The following SLC14A2 variants were observed in gnomAD, a reference collection of about 807,000 sequenced individuals.
SLC14A2 encodes solute carrier family 14 member 2.
SLC14A2 carries 91 observed loss-of-function variants against 104.6 expected under a neutral mutation model. The observed-to-expected ratio is 0.87, with a 90% confidence interval of 0.73 to 1.04. The LOEUF (loss-of-function observed/expected upper bound fraction) is 1.04. Among genes scored for constraint, SLC14A2 ranks in the 50% least tolerant of loss-of-function variants. SLC14A2 has a pLI of 0.00. For synonymous variants in SLC14A2, 476 were observed against 466.4 expected, an observed-to-expected ratio of 1.02 and a Z score of -0.27; for missense variants, 1,189 against 1,156.0, an observed-to-expected ratio of 1.03 and a Z score of -0.41.
chr18:45,204,825 A>C, the SLC14A2 span, among the ~76,000 whole-genome samples: 2 of 152,014 alleles, frequency 1.3e-5, no homozygotes, highest in East Asian at 1.9e-4. Context: ...AAAAAAAAAA[A>C]AACTTTCCCA....
intron 1 of SLC14A2, among the ~76,000 whole-genome samples, chr18:45,287,314 A>T (rs1199814623): frequency 6.6e-6 from 1 of 152,272 alleles, no homozygotes; most frequent in East Asian, 1.9e-4. Flanking sequence ...AAATTACTAC[A>T]ACTTGCAATA....
chr18:45,446,682 A>G (rs1490774306), intron 1 of SLC14A2, among the ~76,000 whole-genome samples: 1 of 152,228 alleles, frequency 6.6e-6, no homozygotes, highest in African/African-American at 2.4e-5. Flanking sequence ...TAAAGGACAC[A>G]ACTCATCTTC....
intron 1 of SLC14A2, among the ~76,000 whole-genome samples, chr18:45,619,311 G>A (rs539951104): frequency 6.6e-6 from 1 of 152,352 alleles, no homozygotes; most frequent in Non-Finnish European, 1.5e-5. Flanking sequence ...CTGCCCTTGT[G>A]CCTCCTGCTC....
chr18:45,637,628 A>G (rs1450297131), intron 6 of SLC14A2, among the ~76,000 whole-genome samples: 1 of 152,202 alleles, frequency 6.6e-6, no homozygotes, highest in Admixed American at 6.5e-5. Flanking sequence ...GTTAATTTTT[A>G]TATACTCTCT....
At chr18:45,367,408 T>A (rs1006401334) in intron 1 of SLC14A2, among the ~76,000 whole-genome samples, 1 of 152,188 alleles carries the variant, frequency 6.6e-6, no homozygotes, top group African/African-American at 2.4e-5. Flanking sequence ...CAGCTGACTC[T>A]GTCATGTACA....
At chr18:45,220,384 G>C (rs1185808125) in intron 1 of SLC14A2, among the ~76,000 whole-genome samples, 1 of 152,174 alleles carries the variant, frequency 6.6e-6, no homozygotes, top group East Asian at 1.9e-4. Flanking sequence ...CAGACTAAAA[G>C]TCAGTTTTGT....
chr18:45,679,648 A>C (rs1267852135), intron 19 of SLC14A2, among the ~76,000 whole-genome samples: 1 of 152,218 alleles, frequency 6.6e-6, no homozygotes, highest in Non-Finnish European at 1.5e-5. Flanking sequence ...CACACTTTGC[A>C]TGGACAACAA....
intron 1 of SLC14A2, among the ~76,000 whole-genome samples, chr18:45,312,561 G>A (rs1487382823): frequency 6.6e-6 from 1 of 152,058 alleles, no homozygotes; most frequent in East Asian, 1.9e-4. Flanking sequence ...GAAGCAAATG[G>A]GGGGAAAATG....
chr18:45,410,640 ATTGT>A (rs1353128129), intron 1 of SLC14A2, among the ~76,000 whole-genome samples: 1 of 152,178 alleles, frequency 6.6e-6, no homozygotes, highest in Non-Finnish European at 1.5e-5. Context: ...GTTGATCATC[ATTGT>A]TTGTGGATTC....
intron 15 of SLC14A2, among the ~76,000 whole-genome samples, chr18:45,668,818 C>T (rs372803618): frequency 2.8e-4 from 42 of 152,342 alleles, no homozygotes; most frequent in Middle Eastern, 3.4e-3. Context: ...CAACCCTCCC[C>T]TACCCCGGCT....
intron 1 of SLC14A2, among the ~76,000 whole-genome samples, chr18:45,377,139 A>G (rs1477379150): frequency 1.3e-5 from 2 of 151,980 alleles, no homozygotes; most frequent in Non-Finnish European, 2.9e-5. Context: ...ATCAGAAGCC[A>G]TTTCTCATTC....
intron 1 of SLC14A2, among the ~76,000 whole-genome samples, chr18:45,445,178 G>A (rs2144593750): frequency 7.2e-6 from 1 of 138,230 alleles, no homozygotes; most frequent in South Asian, 2.3e-4. Context: ...GTGGCACAAC[G>A]TTGGCTCACC....
At chr18:45,672,422 G>C (rs547949494) in intron 16 of SLC14A2, among the ~76,000 whole-genome samples, 1 of 151,956 alleles carries the variant, frequency 6.6e-6, no homozygotes, top group African/African-American at 2.4e-5. Flanking sequence ...CCAGCTACTC[G>C]GGAGGCTGAG....
At chr18:45,217,520 A>G (rs1263536376) in intron 1 of SLC14A2, among the ~76,000 whole-genome samples, 1 of 152,060 alleles carries the variant, frequency 6.6e-6, no homozygotes, top group African/African-American at 2.4e-5. Context: ...AAGAAATAGC[A>G]TAGGTGAGAA....
At chr18:45,663,247 C>T (rs2045960861) in intron 10 of SLC14A2, among the ~76,000 whole-genome samples, 1 of 152,192 alleles carries the variant, frequency 6.6e-6, no homozygotes, top group Non-Finnish European at 1.5e-5. Flanking sequence ...GTCCAGGGAC[C>T]ACAGGGACCA....
At chr18:45,516,845 G>C (rs1360272286) in intron 2 of SLC14A2, among the ~76,000 whole-genome samples, 4 of 152,178 alleles carry the variant, frequency 2.6e-5, no homozygotes, top group Admixed American at 1.3e-4. Flanking sequence ...TTAGTGTTGG[G>C]GGCACCAGGA....
intron 9 of SLC14A2, among the ~76,000 whole-genome samples, chr18:45,643,584 A>ATGCAGTAG (rs757245390): frequency 3.3e-5 from 5 of 152,126 alleles, no homozygotes; most frequent in Non-Finnish European, 7.4e-5. Context: ...CCAGGCTGGA[A>ATGCAGTAG]TGCAGTAGTG....
intron 1 of SLC14A2, among the ~76,000 whole-genome samples, chr18:45,372,265 TCATGC>T (rs1454866576): frequency 6.6e-6 from 1 of 151,974 alleles, no homozygotes; most frequent in Non-Finnish European, 1.5e-5. Context: ...TGAGTCAAGA[TCATGC>T]CACTGCACTC....
At chr18:45,480,937 A>G (rs1199023913) in intron 1 of SLC14A2, among the ~76,000 whole-genome samples, 1 of 151,880 alleles carries the variant, frequency 6.6e-6, no homozygotes, top group Non-Finnish European at 1.5e-5. Context: ...TAAAATATAT[A>G]TATATATATT....
Sources: allele counts gnomAD v4.1 joint callset (sites outside exome capture counted in the v4.1 genomes callset), GRCh38; gene constraint gnomAD v4.1.1; transcripts MANE v1.5; gene names NCBI Gene and HGNC (gene_info 2026-07-23, HGNC 2026-07-21).